Variants in TEX14 observed in about 807,000 individuals in gnomAD.
The protein encoded by TEX14 is testis expressed 14, intercellular bridge forming factor.
In TEX14, 168 loss-of-function variants were observed where a neutral mutation model predicts 178.6. The ratio of observed to expected loss-of-function variants is 0.94; its 90% CI spans 0.83 to 1.07. The LOEUF (loss-of-function observed/expected upper bound fraction) is 1.07. Among genes scored for constraint, TEX14 ranks in the 50% least tolerant of loss-of-function variants. The pLI is 0.00. For missense variants in TEX14, 1,730 were observed against 1,753.6 expected (o/e 0.99, Z 0.24); for synonymous variants, 626 against 634.1 (o/e 0.99, Z 0.19).
chr17:58,568,736 G>T (rs2044456937), intron 26 of TEX14, among the ~76,000 whole-genome samples: 1 of 142,560 alleles, frequency 7.0e-6, no homozygotes, highest in African/African-American at 2.5e-5. Context: ...TGACTTCCCT[G>T]TTCTTAGGAA....
Position 58,600,503 on chromosome 17 carries a change from G to A in TEX14, c.1679-837C>T, listed in dbSNP as rs1307685157. ...TTGAACCTGGGAGACAGAGGTTGCA[G>A]TAAACCGAGATTGCGCCATTGCACT... On this transcript the variant is annotated intron_variant, in intron 13 of 31. Coordinates refer to ENST00000349033, the MANE Select transcript of TEX14 (RefSeq NM_031272.5). Among the ~76,000 whole-genome samples the A allele has an allele frequency of 2.7e-5, 4 of 150,420 alleles. No homozygotes were observed. The East Asian group carries it at 7.8e-4, about 29-fold the overall frequency.
At chr17:58,613,596 A>G (rs1445235090) in intron 8 of TEX14, 52 bp from the exon 9 acceptor site, 1 of 1,593,234 alleles carries the variant, frequency 6.3e-7, no homozygotes, top group African/African-American at 1.4e-5. Context: ...GGATATGATG[A>G]AAAAATGAGC....
intron 2 of TEX14, among the ~76,000 whole-genome samples, chr17:58,651,087 G>A (rs991493746): frequency 2.6e-5 from 4 of 152,150 alleles, no homozygotes; most frequent in Admixed American, 6.6e-5. Flanking sequence ...GAGCAACATG[G>A]CGAAAGCATC....
intron 27 of TEX14, 89 bp from the exon 28 acceptor site, chr17:58,565,057 A>C: frequency 1.3e-6 from 1 of 759,002 alleles, no homozygotes; most frequent in Non-Finnish European, 2.2e-6. Flanking sequence ...ATTAAGGCCA[A>C]TCAGTGGTCC....
intron 2 of TEX14, among the ~76,000 whole-genome samples, chr17:58,651,347 G>GTT (rs1220082585): frequency 6.6e-6 from 1 of 152,136 alleles, no homozygotes; most frequent in African/African-American, 2.4e-5. Flanking sequence ...TTGTTTGTTG[G>GTT]TTCTTTGGTT....
intron 1 of TEX14, chr17:58,679,653 C>A (rs368303485): frequency 2.0e-5 from 3 of 152,184 alleles, no homozygotes; most frequent in Admixed American, 1.3e-4. Flanking sequence ...AAAAATCCAC[C>A]TTTAATGATC....
intron 1 of TEX14, among the ~76,000 whole-genome samples, chr17:58,687,942 C>T (rs960798935): frequency 6.6e-6 from 1 of 152,134 alleles, no homozygotes; most frequent in Non-Finnish European, 1.5e-5. Flanking sequence ...CTTGTTTACC[C>T]TGTCATCTGG....
At chr17:58,671,671 T>C (rs2047305751) in intron 1 of TEX14, among the ~76,000 whole-genome samples, 3 of 152,206 alleles carry the variant, frequency 2.0e-5, no homozygotes, top group African/African-American at 7.2e-5. Flanking sequence ...CTTTCCTTTC[T>C]GGATTTGTTT....
intron 15 of TEX14, among the ~76,000 whole-genome samples, chr17:58,591,149 GGT>G (rs1475610750): frequency 6.6e-6 from 1 of 152,106 alleles, no homozygotes; most frequent in Non-Finnish European, 1.5e-5. Flanking sequence ...TTCTATCAGT[GGT>G]GTGAGTGCCA....
At chr17:58,658,964 T>C (rs941334206) in intron 1 of TEX14, among the ~76,000 whole-genome samples, 3 of 151,744 alleles carry the variant, frequency 2.0e-5, no homozygotes, top group African/African-American at 7.3e-5. Context: ...GTCTGGCTTA[T>C]TTTTCCACCC....
chr17:58,579,049 A>C (rs1329368189), intron 20 of TEX14, among the ~76,000 whole-genome samples: 7 of 152,258 alleles, frequency 4.6e-5, no homozygotes, highest in Admixed American at 4.6e-4. Context: ...CAGTTAACTT[A>C]TATCTGTCTG....
At chr17:58,646,734 G>A (rs1321819073) in intron 2 of TEX14, among the ~76,000 whole-genome samples, 1 of 152,098 alleles carries the variant, frequency 6.6e-6, no homozygotes, top group Non-Finnish European at 1.5e-5. Flanking sequence ...TGAATCTTGT[G>A]TGCTGACTTC....
intron 2 of TEX14, among the ~76,000 whole-genome samples, chr17:58,649,220 C>T (rs1382926936): frequency 6.6e-6 from 1 of 151,874 alleles, no homozygotes; most frequent in Non-Finnish European, 1.5e-5. Context: ...GCTGAGATTA[C>T]AGGCACCCAC....
At chr17:58,635,183 G>A (rs566518533) in intron 2 of TEX14, among the ~76,000 whole-genome samples, 1 of 151,912 alleles carries the variant, frequency 6.6e-6, no homozygotes, top group African/African-American at 2.4e-5. Flanking sequence ...GGCTACTGCT[G>A]TTGCTATGAG....
chr17:58,628,749 G>A (rs2046210022), intron 3 of TEX14, among the ~76,000 whole-genome samples: 1 of 151,242 alleles, frequency 6.6e-6, no homozygotes, highest in Admixed American at 6.6e-5. Context: ...GCTGGGTGTG[G>A]TGGCACGTGC....
chr17:58,586,123 A>C, intron 17 of TEX14, 41 bp from the exon 18 acceptor site: 1 of 1,555,300 alleles, frequency 6.4e-7, no homozygotes, highest in Non-Finnish European at 8.7e-7. Context: ...ATCACTGTAA[A>C]CACTGGAAAC....
At chr17:58,677,904 C>T (rs2047420611) in intron 1 of TEX14, among the ~76,000 whole-genome samples, 1 of 152,250 alleles carries the variant, frequency 6.6e-6, no homozygotes, top group African/African-American at 2.4e-5. Flanking sequence ...GTAATCCCAA[C>T]ACTTTGGGAG....
At chr17:58,621,890 A>G in intron 4 of TEX14, 104 bp from the exon 5 acceptor site, 1 of 1,312,970 alleles carries the variant, frequency 7.6e-7, no homozygotes, top group Non-Finnish European at 1.0e-6. Flanking sequence ...AGCCCCCAAC[A>G]GAAAAACCTC....
At chr17:58,630,100 A>G (rs1438913055) in intron 3 of TEX14, among the ~76,000 whole-genome samples, 1 of 150,330 alleles carries the variant, frequency 6.7e-6, no homozygotes, top group Non-Finnish European at 1.5e-5. Context: ...CTTGTTGCCC[A>G]GGCTGGGGTA....
Sources: gnomAD v4.1 joint callset for allele counts (sites outside exome capture counted in the v4.1 genomes callset) on GRCh38, gnomAD v4.1.1 for gene constraint, MANE v1.5 for transcripts, NCBI Gene and HGNC (gene_info 2026-07-23, HGNC 2026-07-21) for gene names.